The following PIP5K1C variants were observed in gnomAD, a reference collection of about 807,000 sequenced individuals.
PIP5K1C encodes the protein phosphatidylinositol 4-phosphate 5-kinase type-1 gamma.
Under a neutral mutation model 80.1 loss-of-function variants are expected in PIP5K1C, and 45 were observed. That is an observed-to-expected ratio of 0.56 (90% confidence interval 0.44 to 0.72). The LOEUF (loss-of-function observed/expected upper bound fraction) is 0.72. Among genes scored for constraint, PIP5K1C ranks in the 30% least tolerant of loss-of-function variants. The pLI is 0.00. For missense variants in PIP5K1C, 753 were observed against 954.6 expected (o/e 0.79, Z 2.78); for synonymous variants, 498 against 420.1 (o/e 1.19, Z -2.27).
At position 3,643,244 on chromosome 19, in the gene PIP5K1C, T is replaced by C. The variant is rs139195886; in HGVS notation, c.1648A>G (p.Arg550Gly). The stretch of plus-strand genomic sequence containing the variant: ...ATGCACTGCGGATGCCTCGCCCACC[T>C]GTACCGCGGCTGCTCCGACGTCTCC... ...PSETSEQPRYRRRTQSSGQDG... is the reference protein window; with the variant it reads ...PSETSEQPRYGRRTQSSGQDG... Residue 550 changes from arginine (R) to glycine (G), a missense_variant and splice_region_variant, in exon 13 of 18, where the codon AGG becomes GGG. By Grantham distance (125) the Arg-to-Gly change is moderately radical. Around this residue, in one of 6 missense-constraint regions of PIP5K1C, gnomAD observed 315 missense variants for 294.5 expected, o/e 1.07. Transcript: ENST00000335312. 4.0e-4 allele frequency: 646 copies of C among 1,613,074 alleles called. No homozygotes were observed. The highest frequency in any genetic ancestry group is 5.3e-4 in the Non-Finnish European group (625 of 1,179,748).
At chr19:3,680,838 G>T (rs2035568899) in intron 1 of PIP5K1C, among the ~76,000 whole-genome samples, 1 of 152,176 alleles carries the variant, frequency 6.6e-6, no homozygotes, top group Non-Finnish European at 1.5e-5. Context: ...CGAAATGGAG[G>T]TCTCACCAGG....
intron 1 of PIP5K1C, among the ~76,000 whole-genome samples, chr19:3,693,663 T>C (rs544378599): frequency 6.6e-6 from 1 of 152,282 alleles, no homozygotes; most frequent in Admixed American, 6.5e-5. Context: ...GAGCCTCGGT[T>C]TCCCCATCTG....
chr19:3,633,210 G>A, intron 17 of PIP5K1C, 41 bp from the exon 18 acceptor site: 2 of 753,204 alleles, frequency 2.7e-6, no homozygotes, highest in South Asian at 1.4e-5. Context: ...GCGGGGCGAG[G>A]GCCCACCCCA....
intron 1 of PIP5K1C, among the ~76,000 whole-genome samples, chr19:3,683,666 C>T (rs569114644): frequency 6.6e-6 from 1 of 152,296 alleles, no homozygotes; most frequent in East Asian, 1.9e-4. Context: ...TCCAGGATGT[C>T]AGGCCCCAGT....
chr19:3,693,241 A>G (rs937686239), intron 1 of PIP5K1C, among the ~76,000 whole-genome samples: 3 of 152,120 alleles, frequency 2.0e-5, no homozygotes, highest in African/African-American at 7.2e-5. Context: ...CCTGCCTGCA[A>G]AGTGGAGGCA....
intron 1 of PIP5K1C, among the ~76,000 whole-genome samples, chr19:3,693,131 G>A (rs1456830997): frequency 6.6e-6 from 1 of 152,012 alleles, no homozygotes. Flanking sequence ...TGGCCCTCTC[G>A]TTCCCCCAGG....
At chr19:3,695,230 G>C (rs1377745117) in intron 1 of PIP5K1C, among the ~76,000 whole-genome samples, 2 of 152,190 alleles carry the variant, frequency 1.3e-5, no homozygotes, top group Non-Finnish European at 2.9e-5. Flanking sequence ...ACAAAGGTCT[G>C]GAGCCCAGGA....
intron 8 of PIP5K1C, among the ~76,000 whole-genome samples, chr19:3,651,596 C>T (rs1388368452): frequency 1.3e-5 from 2 of 152,226 alleles, no homozygotes; most frequent in Admixed American, 6.5e-5. Context: ...GAATGGGAAA[C>T]GCCCCCACCA....
intron 2 of PIP5K1C, 76 bp from the exon 3 acceptor site, chr19:3,664,990 G>T (rs2034963220): frequency 4.0e-6 from 5 of 1,241,152 alleles, no homozygotes; most frequent in Middle Eastern, 1.9e-4. Context: ...TGAAACCCTG[G>T]GAAGAAAGGT....
At position 3,648,692 on chromosome 19, in the gene PIP5K1C, C is replaced by A. The variant is rs549345573; in HGVS notation, c.1144G>T (p.Ala382Ser). ...AGCCGCTCCCCGCGGCCGTTCACAG[C>A]GGGGATCCCGCCCATCCTGGGGAGA... ...ESDDTMGGIP[A>S]VNGRGERLLL... Residue 382 changes from alanine (A) to serine (S), a missense_variant, in exon 9 of 18, where the codon GCT (alanine) becomes TCT (serine). Physicochemically the swap from Ala to Ser is moderately conservative, Grantham distance 99. Around this residue, in one of 6 missense-constraint regions of PIP5K1C, gnomAD observed 114 missense variants for 152.4 expected, o/e 0.75. Transcript: ENST00000335312. This position sits in a 1 kb window ranked among gnomAD's most constrained non-coding sequence, Gnocchi z 4.3. 4 of 1,612,848 alleles carry A rather than the reference C, an allele frequency of 2.5e-6. No individual in the cohort carries two copies. Among genetic ancestry groups the A allele is most frequent in the Non-Finnish European group, 3.4e-6 (4 of 1,179,856 alleles).
At chr19:3,693,805 T>G (rs995588439) in intron 1 of PIP5K1C, among the ~76,000 whole-genome samples, 3 of 152,182 alleles carry the variant, frequency 2.0e-5, no homozygotes, top group African/African-American at 7.2e-5. Flanking sequence ...GGCGCATGCC[T>G]GTAACCCCAG....
intron 2 of PIP5K1C, among the ~76,000 whole-genome samples, 166 bp from the exon 3 acceptor site, chr19:3,665,080 C>A (rs2034965772): frequency 6.6e-6 from 1 of 152,188 alleles, no homozygotes; most frequent in Non-Finnish European, 1.5e-5. Flanking sequence ...AGGCCCCTCA[C>A]CCGTGGGCGC....
intron 1 of PIP5K1C, chr19:3,669,921 G>GAAGGCAC (rs2035146102): frequency 6.6e-6 from 1 of 152,390 alleles, no homozygotes; most frequent in African/African-American, 2.4e-5. Context: ...GAGACAAGAC[G>GAAGGCAC]AAGGCACGAG....
Position 3,651,962 on chromosome 19 carries a change from G to A in PIP5K1C, c.991C>T (p.Arg331Cys), listed in dbSNP as rs146890276. ...LGVHNIDQHE[R>C]ERQAQGAQST... The stretch of plus-strand genomic sequence containing the variant: ...TGGGCGCCCTGCGCCTGCCGCTCGC[G>A]CTCGTGCTGGTCGATGTTGTGCACG... The change falls in exon 8 of 18, where the codon CGC becomes TGC. Residue 331 changes from arginine to cysteine, a missense_variant. Physicochemically the swap from Arg to Cys is radical, Grantham distance 180. This residue lies in a region of PIP5K1C where 105 missense variants were observed against 133.4 expected (regional missense o/e 0.79). Transcript: ENST00000335312. 1.6e-3 allele frequency: 2,559 copies of A among 1,613,070 alleles called. 2 individuals carry two copies. Among genetic ancestry groups the A allele is most frequent in the Non-Finnish European group, 2.0e-3 (2,392 of 1,179,960 alleles).
chr19:3,637,684 C>T lies in PIP5K1C; in HGVS notation c.1920+1200G>A, dbSNP rs867499328. 23 of 1,426,542 alleles carry T rather than the reference C, an allele frequency of 1.6e-5. No individual in the cohort carries two copies. The highest frequency in any genetic ancestry group is 7.2e-5 in the African/African-American group (5 of 69,524). 88.4% of individuals were successfully genotyped at this position (1,426,542 alleles called of 1,614,324 possible). A position where few individuals can be genotyped will look rare whatever the true frequency, so the allele number is the denominator to read the frequency against. On this transcript the variant is annotated intron_variant, in intron 16 of 17. Coordinates refer to ENST00000335312, the MANE Select transcript of PIP5K1C (RefSeq NM_012398.3). This position sits in a 1 kb window ranked among gnomAD's most constrained non-coding sequence, Gnocchi z 7.0. ...GGACAGCGGATGAGGCGGCCACCCC[C>T]GTGGTCGGGTGGGAGAGGCGGAGGG...
At chr19:3,700,217 C>A in intron 1 of PIP5K1C, 80 bp downstream of exon 1, 1 of 828,516 alleles carries the variant, frequency 1.2e-6, no homozygotes, top group Non-Finnish European at 1.5e-6. Context: ...GTGCAGCCCC[C>A]GCCCCGGCCC....
chr19:3,660,787 A>C (rs2034806728), intron 5 of PIP5K1C, among the ~76,000 whole-genome samples, 179 bp downstream of exon 5: 2 of 152,012 alleles, frequency 1.3e-5, no homozygotes, highest in South Asian at 4.2e-4. Flanking sequence ...GTGAGCTTGG[A>C]GGCCGATCTC....
intron 1 of PIP5K1C, among the ~76,000 whole-genome samples, chr19:3,684,862 A>G (rs2035704476): frequency 6.6e-6 from 1 of 152,160 alleles, no homozygotes; most frequent in Admixed American, 6.5e-5. Context: ...TTAGTGCCAC[A>G]TGGCTTCCAC....
intron 3 of PIP5K1C, among the ~76,000 whole-genome samples, chr19:3,662,671 T>C (rs1054747668): frequency 6.6e-6 from 1 of 152,118 alleles, no homozygotes; most frequent in Non-Finnish European, 1.5e-5. Flanking sequence ...GTTCAAGTGA[T>C]TCTCCTGCCT....
Sources: allele counts gnomAD v4.1 joint callset (sites outside exome capture counted in the v4.1 genomes callset), GRCh38; gene constraint gnomAD v4.1.1; regional missense constraint gnomAD v4.1.1; non-coding constraint Gnocchi (gnomAD v3.1); transcripts MANE v1.5; gene names NCBI Gene and HGNC (gene_info 2026-07-23, HGNC 2026-07-21).